Variants in SATB2 observed in about 807,000 individuals in gnomAD.
SATB2 encodes SATB homeobox 2.
In SATB2, 1 loss-of-function variant was observed where a neutral mutation model predicts 73.4. That is an observed-to-expected ratio of 0.01 (90% CI 0.00 to 0.06). SATB2 has a LOEUF of 0.06. Among genes scored for constraint, SATB2 ranks in the 10% least tolerant of loss-of-function variants. The pLI is 1.00. For missense variants in SATB2, 459 were observed against 945.8 expected, an observed-to-expected ratio of 0.49 and a Z score of 6.75; for synonymous variants, 397 against 367.0, an observed-to-expected ratio of 1.08 and a Z score of -0.93.
At chr2:199,281,804 TA>T (rs1692506113) in intron 10 of SATB2, among the ~76,000 whole-genome samples, 1 of 152,134 alleles carries the variant, frequency 6.6e-6, no homozygotes, top group Non-Finnish European at 1.5e-5. Context: ...GTGAGCTACA[TA>T]TTGGCATACC....
rs71424226 is a variant in SATB2 at position 199,423,966 on chromosome 2, C to T, written c.346+9372G>A. 3 of 152,122 alleles carry T rather than the reference C, an allele frequency of 2.0e-5. No homozygotes were observed. In the East Asian group the frequency reaches 5.8e-4, roughly 29 times the overall value. The allele number at this position is 152,122 out of a possible 1,614,324, so 9.4% of individuals were successfully genotyped here. On this transcript the variant is annotated intron_variant, in intron 3 of 10. Coordinates refer to ENST00000417098, the MANE Select transcript of SATB2 (RefSeq NM_001172509.2). ...AGCGCAACCTGGAAGCTGAGGGGGA[C>T]CTCTGCGCTGTCTGATTTGCATATA...
intron 3 of SATB2, among the ~76,000 whole-genome samples, chr2:199,386,768 C>G (rs982804131): frequency 7.1e-6 from 1 of 141,802 alleles, no homozygotes; most frequent in Non-Finnish European, 1.5e-5. Flanking sequence ...ACACACACAC[C>G]TTTGAGTTCA....
intron 3 of SATB2, among the ~76,000 whole-genome samples, chr2:199,426,702 A>G (rs1202929409): frequency 3.2e-4 from 43 of 135,018 alleles, no homozygotes; most frequent in African/African-American, 1.0e-3. Context: ...CAAAAAAAAA[A>G]AAAAAAAAAG....
chr2:199,406,782 A>G (rs1690641739), intron 3 of SATB2, among the ~76,000 whole-genome samples: 1 of 152,166 alleles, frequency 6.6e-6, no homozygotes. Flanking sequence ...TGAAAAAAAA[A>G]TGGGTGTAAT....
intron 3 of SATB2, among the ~76,000 whole-genome samples, chr2:199,421,319 C>A (rs1360324408): frequency 6.6e-6 from 1 of 152,098 alleles, no homozygotes; most frequent in Admixed American, 6.6e-5. Context: ...ACCTGAGGTC[C>A]CATAGAAACA....
chr2:199,299,173 CTG>C (rs1490419000), intron 10 of SATB2, among the ~76,000 whole-genome samples: 1 of 152,172 alleles, frequency 6.6e-6, no homozygotes, highest in Non-Finnish European at 1.5e-5. Flanking sequence ...AAGTGTTTAT[CTG>C]TGTGGTCAGG....
At chr2:199,315,121 A>T (rs1050959581) in intron 9 of SATB2, among the ~76,000 whole-genome samples, 1 of 151,992 alleles carries the variant, frequency 6.6e-6, no homozygotes, top group Non-Finnish European at 1.5e-5. Flanking sequence ...ACCACACTAC[A>T]TCAATCATTT....
chr2:199,341,111 G>C (rs1688493539), intron 7 of SATB2, among the ~76,000 whole-genome samples: 2 of 152,092 alleles, frequency 1.3e-5, no homozygotes, highest in Non-Finnish European at 2.9e-5. Flanking sequence ...ATAAATCCCT[G>C]ATTAATTTTT....
At chr2:199,364,087 G>GA (rs1360620450) in intron 6 of SATB2, among the ~76,000 whole-genome samples, 1 of 152,190 alleles carries the variant, frequency 6.6e-6, no homozygotes, top group Non-Finnish European at 1.5e-5. Flanking sequence ...CTGCCTTATG[G>GA]AACCAGGTCA....
Position 199,272,266 on chromosome 2 carries a change from T to A in SATB2, c.2147A>T (p.Glu716Val). The A allele has an allele frequency of 6.2e-7, 1 of 1,614,234 alleles. No individual in the cohort carries two copies. Residue 716 changes from glutamate to valine, a missense_variant, in exon 11 of 11, where the codon GAG (glutamate) becomes GTG (valine). Glu to Val is a moderately radical substitution (Grantham distance 121, BLOSUM62 -2). This residue lies in a region of SATB2 where 41 missense variants were observed against 38.6 expected (regional missense o/e 1.06). Transcript: ENST00000417098. The surrounding 1 kb of genome is among the most constrained non-coding windows in gnomAD (Gnocchi z 6.7). ...GSEEMYKVEA[E>V]EENADKSKAA... ...CTTGCTTTTGTCAGCATTTTCCTCC[T>A]CAGCCTCCACTTTGTACATCTCCTC...
chr2:199,468,759 G>A (rs1692644628), upstream of SATB2: 1 of 152,282 alleles, frequency 6.6e-6, no homozygotes, highest in South Asian at 2.1e-4. Flanking sequence ...GGTGGCCCTG[G>A]AGCCCCGCCA....
intron 6 of SATB2, among the ~76,000 whole-genome samples, chr2:199,350,026 G>C (rs935498011): frequency 4.6e-5 from 7 of 152,028 alleles, no homozygotes; most frequent in Admixed American, 1.3e-4. Context: ...ACTCTATCAT[G>C]AAAAACAAAG....
chr2:199,467,682 TTCTTTAGC>T (rs1233474722), upstream of SATB2, among the ~76,000 whole-genome samples: 2 of 152,132 alleles, frequency 1.3e-5, no homozygotes, highest in Non-Finnish European at 2.9e-5. Context: ...CCCCACCACA[TTCTTTAGC>T]TCTCAGAAAG....
At chr2:199,409,174 T>TC (rs1340927652) in intron 3 of SATB2, among the ~76,000 whole-genome samples, 1 of 139,888 alleles carries the variant, frequency 7.1e-6, no homozygotes, top group Non-Finnish European at 1.6e-5. Flanking sequence ...TTTCTTTTTT[T>TC]TTTTTTTTTT....
intron 6 of SATB2, among the ~76,000 whole-genome samples, chr2:199,356,113 A>C (rs1369567547): frequency 6.6e-6 from 1 of 151,418 alleles, no homozygotes; most frequent in African/African-American, 2.4e-5. Context: ...TAAGATGCTT[A>C]TGCAAATGTA....
chr2:199,351,161 CTTT>C (rs781572792), intron 6 of SATB2, among the ~76,000 whole-genome samples: 7 of 131,618 alleles, frequency 5.3e-5, no homozygotes, highest in Admixed American at 1.5e-4. Context: ...TGTTTGCTTG[CTTT>C]TTTTTTTTTT....
At chr2:199,278,020 C>T (rs888366195) in intron 10 of SATB2, among the ~76,000 whole-genome samples, 1 of 152,042 alleles carries the variant, frequency 6.6e-6, no homozygotes, top group African/African-American at 2.4e-5. Flanking sequence ...TGAACAAAGT[C>T]TTTAGAGTAG....
upstream of SATB2, chr2:199,469,524 A>AAAAGAAGG (rs1431417878): frequency 1.3e-5 from 2 of 151,738 alleles, no homozygotes; most frequent in Non-Finnish European, 2.9e-5. Context: ...AGAAAAGAAG[A>AAAAGAAGG]AAAGAAAAGT....
chr2:199,293,056 A>T (rs1198586005), intron 10 of SATB2, among the ~76,000 whole-genome samples: 1 of 152,166 alleles, frequency 6.6e-6, no homozygotes, highest in East Asian at 1.9e-4. Context: ...AAAATGAAAT[A>T]CCACATTTGA....
Sources: allele counts gnomAD v4.1 joint callset (sites outside exome capture counted in the v4.1 genomes callset), GRCh38; gene constraint gnomAD v4.1.1; regional missense constraint gnomAD v4.1.1; non-coding constraint Gnocchi (gnomAD v3.1); transcripts MANE v1.5; gene names NCBI Gene and HGNC (gene_info 2026-07-23, HGNC 2026-07-21).